DNAH12: variants seen among roughly 807,000 people sequenced by gnomAD.
DNAH12 encodes the protein dynein axonemal heavy chain 12.
DNAH12 carries 285 observed loss-of-function variants against 371.5 expected under a neutral mutation model. That is an observed-to-expected ratio of 0.77 (90% CI 0.70 to 0.85). DNAH12 has a LOEUF of 0.85. Among genes scored for constraint, DNAH12 ranks in the 40% least tolerant of loss-of-function variants. The pLI is 0.00. For missense variants in DNAH12, 3,611 were observed against 3,689.4 expected (o/e 0.98, Z 0.55); for synonymous variants, 1,200 against 1,213.0 (o/e 0.99, Z 0.22).
intron 60 of DNAH12, among the ~76,000 whole-genome samples, chr3:57,348,557 G>A (rs1371359227): frequency 1.3e-5 from 2 of 152,136 alleles, no homozygotes; most frequent in Non-Finnish European, 2.9e-5. Flanking sequence ...TATCACTCTG[G>A]TAAGGGGTTT....
At position 57,352,180 on chromosome 3, in the gene DNAH12, G is replaced by A. The variant is rs201145591; in HGVS notation, c.9579C>T (p.Asp3193=). The A allele has an allele frequency of 2.5e-4, 385 of 1,541,748 alleles. 2 individuals are homozygous for A. Among genetic ancestry groups the A allele is most frequent in the Non-Finnish European group, 1.5e-4 (176 of 1,144,494 alleles). The change falls in exon 60 of 74, where the codon GAC becomes GAT. Residue 3193 remains aspartate, a synonymous_variant. Coordinates refer to ENST00000495027, the MANE Select transcript of DNAH12 (RefSeq NM_001366028.2). ...ILEKRLRYLN[D]HFTYNLYCNI... ...TACAATATAAGTTGTATGTGAAGTG[G>A]TCATTTAAATATCGTAGGCGCTTTT...
Position 57,334,619 on chromosome 3 carries a change from A to G in DNAH12, c.9834-10T>C. On this transcript the variant is annotated splice_polypyrimidine_tract_variant and intron_variant, in intron 61 of 73. Coordinates refer to ENST00000495027, the MANE Select transcript of DNAH12 (RefSeq NM_001366028.2). The stretch of plus-strand genomic sequence containing the variant: ...TTCACAAAAATGTTGCCTAATAGAA[A>G]AAAGCTTAAGAATTATTCTTTTTAT... 6.5e-7 allele frequency: 1 copy of G among 1,531,644 alleles called. No individual in the cohort carries two copies. The highest frequency in any genetic ancestry group is 2.5e-5 in the East Asian group (1 of 40,798). 94.9% of individuals were successfully genotyped at this position (1,531,644 alleles called of 1,614,324 possible).
At position 57,403,361 on chromosome 3, in the gene DNAH12, T is replaced by G; in HGVS notation, c.6896A>C (p.Gln2299Pro). The G allele has an allele frequency of 6.4e-7, 1 of 1,551,330 alleles. No homozygotes were observed. The highest frequency in any genetic ancestry group is 8.7e-7 in the Non-Finnish European group (1 of 1,146,820). ...ACCATAGCTCTTAGAAATTTCTGGTTGGAAAATATGCATTTTTGCCATGGA... is the reference window on the plus strand; with the variant it reads ...ACCATAGCTCTTAGAAATTTCTGGTGGGAAAATATGCATTTTTGCCATGGA... ...ATSMAKMHIF[Q>P]PEISKSYGMN... is the part of the protein sequence containing the mutation. Residue 2299 changes from glutamine (Q) to proline (P), a missense_variant, in exon 43 of 74, where the codon CAA (glutamine) becomes CCA (proline). Coordinates refer to ENST00000495027, the MANE Select transcript of DNAH12 (RefSeq NM_001366028.2).
chr3:57,369,308 TTATAA>T (rs1653907399), intron 55 of DNAH12, among the ~76,000 whole-genome samples: 1 of 145,324 alleles, frequency 6.9e-6, no homozygotes, highest in African/African-American at 2.5e-5. Flanking sequence ...TAATTATATA[TTATAA>T]ATTATATATA....
intron 47 of DNAH12, 80 bp downstream of exon 47, chr3:57,386,361 C>A (rs1264921952): frequency 6.6e-6 from 1 of 150,532 alleles, no homozygotes; most frequent in East Asian, 1.9e-4. Flanking sequence ...ATCACATATT[C>A]TCAATAAATT....
chr3:57,552,452 T>G, the DNAH12 span, among the ~76,000 whole-genome samples: 1 of 152,208 alleles, frequency 6.6e-6, no homozygotes, highest in African/African-American at 2.4e-5. Flanking sequence ...TATGACAAGT[T>G]TATTTGTAGA....
rs1166942436 is a variant in DNAH12, at chr3:57,309,782, G to T, written c.10969C>A (p.Gln3657Lys). The change falls in exon 68 of 74, where the codon CAA becomes AAA. Residue 3657 changes from glutamine (Q) to lysine (K), a missense_variant. Physicochemically the swap from Gln to Lys is moderately conservative, Grantham distance 53. Transcript: ENST00000495027. ...AAGGACTCAAAGAGGGTTTTTGTTTGTTGAAGATCCTTGGAGATGTCAACG... is the reference window on the plus strand; with the variant it reads ...AAGGACTCAAAGAGGGTTTTTGTTTTTTGAAGATCCTTGGAGATGTCAACG... ...ENVDISKDLQ[Q>K]TKTLFESLLL... 8 of 1,551,378 alleles carry T rather than the reference G, an allele frequency of 5.2e-6. No homozygotes were observed. Among genetic ancestry groups the T allele is most frequent in the Non-Finnish European group, 7.0e-6 (8 of 1,146,894 alleles).
chr3:57,428,940 A>C, intron 33 of DNAH12, 119 bp from the exon 34 acceptor site: 1 of 987,026 alleles, frequency 1.0e-6, no homozygotes, highest in Non-Finnish European at 1.5e-6. Context: ...CATCTGCTTC[A>C]CATAGCTTCA....
chr3:57,324,114 A>C (rs1179378210), intron 62 of DNAH12, among the ~76,000 whole-genome samples: 1 of 152,216 alleles, frequency 6.6e-6, no homozygotes, highest in Non-Finnish European at 1.5e-5. Flanking sequence ...TTCACAAGCC[A>C]GCTTCCATTT....
chr3:57,479,299 C>A (rs1384899835), intron 13 of DNAH12, among the ~76,000 whole-genome samples: 1 of 151,878 alleles, frequency 6.6e-6, no homozygotes, highest in Non-Finnish European at 1.5e-5. Flanking sequence ...GACTTTAAAC[C>A]AACAAAGATC....
chr3:57,478,014 C>T (rs532971407), intron 13 of DNAH12, among the ~76,000 whole-genome samples: 5 of 152,284 alleles, frequency 3.3e-5, no homozygotes, highest in East Asian at 1.9e-4. Context: ...AAAATCAGAG[C>T]GCCTCTCCTT....
chr3:57,528,473 C>T (rs951453726), intron 2 of DNAH12, among the ~76,000 whole-genome samples: 1 of 150,872 alleles, frequency 6.6e-6, no homozygotes, highest in African/African-American at 2.4e-5. Context: ...CGCCTATAAT[C>T]CCAGCCCTTT....
chr3:57,415,401 C>T, intron 38 of DNAH12, 25 bp downstream of exon 38: 3 of 1,542,818 alleles, frequency 1.9e-6, no homozygotes, highest in South Asian at 1.2e-5. Context: ...TAACGATAGA[C>T]CCCCATTTCT....
chr3:57,429,654 A>G, intron 33 of DNAH12, 37 bp downstream of exon 33: 3 of 1,497,858 alleles, frequency 2.0e-6, no homozygotes, highest in Non-Finnish European at 2.7e-6. Flanking sequence ...GAATGAAGAA[A>G]TGAACAAACC....
At chr3:57,331,487 G>A (rs755640913) in intron 62 of DNAH12, among the ~76,000 whole-genome samples, 3 of 152,124 alleles carry the variant, frequency 2.0e-5, no homozygotes, top group Non-Finnish European at 4.4e-5. Context: ...AGGCAAGAAT[G>A]AGATGAATAT....
At chr3:57,346,564 G>A (rs2062547829) in intron 60 of DNAH12, among the ~76,000 whole-genome samples, 1 of 151,952 alleles carries the variant, frequency 6.6e-6, no homozygotes, top group Admixed American at 6.6e-5. Flanking sequence ...CAAGGGCAAT[G>A]AATAGGAAAC....
intron 29 of DNAH12, among the ~76,000 whole-genome samples, chr3:57,441,427 G>C (rs1484112049): frequency 2.6e-5 from 4 of 152,096 alleles, no homozygotes; most frequent in Non-Finnish European, 4.4e-5. Context: ...AAACTATATA[G>C]AATGGTCTAA....
At chr3:57,295,715 G>T in intron 72 of DNAH12, 123 bp from the exon 73 acceptor site, 1 of 782,106 alleles carries the variant, frequency 1.3e-6, no homozygotes, top group Non-Finnish European at 1.9e-6. Flanking sequence ...AAAAAGAAAT[G>T]TAAAAAAAGA....
chr3:57,350,107 T>C (rs1553659634), intron 60 of DNAH12, among the ~76,000 whole-genome samples: 1 of 152,162 alleles, frequency 6.6e-6, no homozygotes, highest in Non-Finnish European at 1.5e-5. Context: ...GGCATAAGAA[T>C]GGTACGTTGG....
Sources: allele counts gnomAD v4.1 joint callset (sites outside exome capture counted in the v4.1 genomes callset), GRCh38; gene constraint gnomAD v4.1.1; transcripts MANE v1.5; gene names NCBI Gene and HGNC (gene_info 2026-07-23, HGNC 2026-07-21).